Variants in CYP39A1 observed in about 807,000 individuals in gnomAD.
CYP39A1 encodes the protein 24-hydroxycholesterol 7-alpha-hydroxylase.
A neutral mutation model predicts 58.1 loss-of-function variants in CYP39A1; 49 were observed. The observed-to-expected ratio is 0.84, with a 90% CI of 0.67 to 1.07. The LOEUF (loss-of-function observed/expected upper bound fraction) is 1.07, where lower values mean the gene tolerates loss of function less well. CYP39A1 is among the 50% of genes least tolerant of loss of function. CYP39A1 has a pLI of 0.00. For missense variants in CYP39A1, 531 were observed against 539.4 expected, an observed-to-expected ratio of 0.98 and a Z score of 0.16; for synonymous variants, 209 against 187.6, an observed-to-expected ratio of 1.11 and a Z score of -0.93.
intron 10 of CYP39A1, among the ~76,000 whole-genome samples, chr6:46,564,139 T>C (rs1771144946): frequency 1.0e-5 from 1 of 96,850 alleles, no homozygotes; most frequent in Non-Finnish European, 2.0e-5. Context: ...TATTTTATTC[T>C]ATTCTATTTT....
chr6:46,651,774 C>T (rs2150620838), intron 1 of CYP39A1, among the ~76,000 whole-genome samples: 2 of 152,084 alleles, frequency 1.3e-5, no homozygotes. Flanking sequence ...AATCAAATAC[C>T]ATAAAATATT....
chr6:46,561,238 T>A (rs1239416000), intron 10 of CYP39A1, among the ~76,000 whole-genome samples: 1 of 152,142 alleles, frequency 6.6e-6, no homozygotes, highest in African/African-American at 2.4e-5. Context: ...TTTATTCAAA[T>A]AAATCCTATC....
intron 1 of CYP39A1, among the ~76,000 whole-genome samples, chr6:46,644,434 C>T (rs1776527942): frequency 6.6e-6 from 1 of 152,148 alleles, no homozygotes; most frequent in African/African-American, 2.4e-5. Flanking sequence ...AGGAGTATCA[C>T]TTGAGCCCAG....
intron 8 of CYP39A1, among the ~76,000 whole-genome samples, chr6:46,593,544 A>G (rs1227285790): frequency 1.3e-5 from 2 of 152,080 alleles, no homozygotes; most frequent in Non-Finnish European, 2.9e-5. Flanking sequence ...CACAAAAACT[A>G]AATACTCTAA....
chr6:46,550,544 G>A (rs561924241), intron 11 of CYP39A1, 107 bp from the exon 12 acceptor site: 1 of 945,626 alleles, frequency 1.1e-6, no homozygotes, highest in African/African-American at 1.7e-5. Flanking sequence ...CAAAATTTAG[G>A]TTTTTCAAGT....
chr6:46,603,016 T>C (rs1472643112), intron 7 of CYP39A1, among the ~76,000 whole-genome samples: 2 of 151,972 alleles, frequency 1.3e-5, no homozygotes, highest in African/African-American at 4.8e-5. Flanking sequence ...CAGGATTTCA[T>C]AAATGGTTCA....
At chr6:46,587,756 A>C (rs1276864789) in intron 9 of CYP39A1, among the ~76,000 whole-genome samples, 1 of 152,178 alleles carries the variant, frequency 6.6e-6, no homozygotes, top group African/African-American at 2.4e-5. Flanking sequence ...GTCTTCTATC[A>C]AAAACAGGCT....
At chr6:46,612,554 C>T (rs1582398719) in intron 7 of CYP39A1, among the ~76,000 whole-genome samples, 1 of 152,250 alleles carries the variant, frequency 6.6e-6, no homozygotes, top group Non-Finnish European at 1.5e-5. Flanking sequence ...TCTACAATTT[C>T]CTGGGTCCAT....
intron 10 of CYP39A1, among the ~76,000 whole-genome samples, chr6:46,570,902 A>G (rs1771554762): frequency 6.6e-6 from 1 of 152,184 alleles, no homozygotes; most frequent in South Asian, 2.1e-4. Context: ...TTTTGAGAGG[A>G]CACACATCCA....
chr6:46,554,707 G>C (rs1044638224), intron 10 of CYP39A1, among the ~76,000 whole-genome samples: 1 of 152,114 alleles, frequency 6.6e-6, no homozygotes, highest in African/African-American at 2.4e-5. Flanking sequence ...AAACCTTTTA[G>C]GAAGCATAGC....
chr6:46,640,238 C>T (rs1156820459), intron 2 of CYP39A1, among the ~76,000 whole-genome samples: 1 of 152,220 alleles, frequency 6.6e-6, no homozygotes, highest in African/African-American at 2.4e-5. Context: ...TCAAAATCTA[C>T]AGTCCAGATA....
chr6:46,591,248 A>G (rs1249199225), intron 8 of CYP39A1, among the ~76,000 whole-genome samples: 1 of 152,070 alleles, frequency 6.6e-6, no homozygotes, highest in South Asian at 2.1e-4. Context: ...TTTATCCTAT[A>G]AACTTTTATG....
chr6:46,634,524 C>CTTT (rs55887439), intron 5 of CYP39A1, among the ~76,000 whole-genome samples: 15 of 131,282 alleles, frequency 1.1e-4, no homozygotes, highest in African/African-American at 2.2e-4. Flanking sequence ...TTTCTTTTTG[C>CTTT]TTTTTTTTTT....
intron 10 of CYP39A1, among the ~76,000 whole-genome samples, 174 bp from the exon 11 acceptor site, chr6:46,554,028 C>T (rs1365263850): frequency 6.6e-6 from 1 of 152,134 alleles, no homozygotes; most frequent in Non-Finnish European, 1.5e-5. Context: ...ATACCACCTA[C>T]TCCATAGGGT....
At chr6:46,561,633 A>G (rs1178188866) in intron 10 of CYP39A1, among the ~76,000 whole-genome samples, 1 of 152,052 alleles carries the variant, frequency 6.6e-6, no homozygotes, top group Non-Finnish European at 1.5e-5. Flanking sequence ...GGACTTTAAT[A>G]ACGAAAGTGC....
chr6:46,575,350 G>A (rs1312125036), intron 10 of CYP39A1, among the ~76,000 whole-genome samples: 1 of 152,186 alleles, frequency 6.6e-6, no homozygotes, highest in Non-Finnish European at 1.5e-5. Flanking sequence ...TGGAGAGAGT[G>A]GGGTTGTCTT....
intron 7 of CYP39A1, among the ~76,000 whole-genome samples, chr6:46,600,440 C>T (rs1389566395): frequency 6.6e-6 from 1 of 151,944 alleles, no homozygotes; most frequent in Non-Finnish European, 1.5e-5. Context: ...CTTTCGATTA[C>T]ACCTGACTAT....
chr6:46,615,734 TA>T (rs201723641), intron 7 of CYP39A1, among the ~76,000 whole-genome samples: 12,964 of 139,116 alleles, frequency 0.093, 914 homozygotes, highest in Admixed American at 0.19. Flanking sequence ...TCCTCTGGAA[TA>T]AAAAAAAAAA....
chr6:46,557,933 C>CAAAAAAAAAAAAAAAAAAAAAAAAAAAAA (rs1186594398), intron 10 of CYP39A1, among the ~76,000 whole-genome samples: 4 of 37,640 alleles, frequency 1.1e-4, no homozygotes, highest in East Asian at 6.9e-4. Flanking sequence ...GACTCCATCT[C>CAAAAAAAAAAAAAAAAAAAAAAAAAAAAA]AAAAAAAAAA....
Sources: allele counts gnomAD v4.1 joint callset (sites outside exome capture counted in the v4.1 genomes callset), GRCh38; gene constraint gnomAD v4.1.1; transcripts MANE v1.5; gene names NCBI Gene and HGNC (gene_info 2026-07-23, HGNC 2026-07-21).